Variants in STAG1 observed in about 807,000 individuals in gnomAD.
The protein encoded by STAG1 is cohesin subunit SA-1.
Under a neutral mutation model 170.9 loss-of-function variants are expected in STAG1, and 26 were observed. The ratio of observed to expected loss-of-function variants is 0.15; its 90% CI spans 0.11 to 0.21. The LOEUF (loss-of-function observed/expected upper bound fraction) is 0.21. Ranked by LOEUF, STAG1 falls within the 10% of genes least tolerant of loss-of-function variation. STAG1 has a pLI of 1.00. For missense variants in STAG1, 964 were observed against 1,509.5 expected, an observed-to-expected ratio of 0.64 and a Z score of 5.99; for synonymous variants, 514 against 497.7, an observed-to-expected ratio of 1.03 and a Z score of -0.44.
intron 1 of STAG1, among the ~76,000 whole-genome samples, chr3:136,641,972 T>C (rs902784286): frequency 1.3e-5 from 2 of 152,090 alleles, no homozygotes; most frequent in African/African-American, 2.4e-5. Flanking sequence ...TACAACTCAA[T>C]AAAAGATCTA....
chr3:136,394,409 C>T (rs1446802634), intron 22 of STAG1, among the ~76,000 whole-genome samples: 1 of 152,170 alleles, frequency 6.6e-6, no homozygotes, highest in Non-Finnish European at 1.5e-5. Context: ...AAAAATTCCA[C>T]ATATGCTATA....
At chr3:136,584,235 T>TGGACTG (rs1266767595) in intron 4 of STAG1, among the ~76,000 whole-genome samples, 1 of 152,244 alleles carries the variant, frequency 6.6e-6, no homozygotes, top group Non-Finnish European at 1.5e-5. Context: ...TAAAAATATC[T>TGGACTG]GGACTGGACA....
chr3:136,536,262 A>C (rs1935616618), intron 6 of STAG1, among the ~76,000 whole-genome samples: 1 of 152,198 alleles, frequency 6.6e-6, no homozygotes, highest in South Asian at 2.1e-4. Context: ...TTAAAAAACT[A>C]CTAGTACAAT....
intron 10 of STAG1, 102 bp downstream of exon 10, chr3:136,477,187 G>A (rs1482351616): frequency 6.1e-6 from 8 of 1,307,474 alleles, no homozygotes; most frequent in African/African-American, 1.5e-5. Context: ...ATTTCCACAT[G>A]ATTACAACTC....
chr3:136,742,870 T>C (rs1369980629), intron 1 of STAG1, among the ~76,000 whole-genome samples: 2 of 152,098 alleles, frequency 1.3e-5, no homozygotes, highest in East Asian at 1.9e-4. Flanking sequence ...GAAAAATATA[T>C]AGCTTTAAAT....
At chr3:136,366,908 A>G in intron 25 of STAG1, 35 bp downstream of exon 25, 1 of 1,521,308 alleles carries the variant, frequency 6.6e-7, no homozygotes, top group South Asian at 1.3e-5. Flanking sequence ...TCTGCCAGTT[A>G]GAGGAAGGAG....
At chr3:136,412,767 C>CA (rs1482953319) in intron 21 of STAG1, among the ~76,000 whole-genome samples, 3 of 150,428 alleles carry the variant, frequency 2.0e-5, no homozygotes, top group Admixed American at 2.0e-4. Context: ...TTAAAGGAGA[C>CA]AAAAACAAAT....
intron 28 of STAG1, among the ~76,000 whole-genome samples, chr3:136,355,229 A>G (rs1936600950): frequency 6.6e-6 from 1 of 151,642 alleles, no homozygotes; most frequent in South Asian, 2.1e-4. Context: ...GCACGCGCCT[A>G]TAGTCCCAGC....
intron 1 of STAG1, among the ~76,000 whole-genome samples, chr3:136,704,051 A>ATTT (rs113353607): frequency 1.5e-5 from 2 of 129,990 alleles, no homozygotes. Context: ...GGCATAAATG[A>ATTT]TTTTTTTTTT....
intron 1 of STAG1, among the ~76,000 whole-genome samples, chr3:136,737,833 G>A (rs1016449398): frequency 6.6e-6 from 1 of 152,136 alleles, no homozygotes; most frequent in Non-Finnish European, 1.5e-5. Flanking sequence ...ACTTTGGGAG[G>A]CCGAGGCGGG....
intron 4 of STAG1, among the ~76,000 whole-genome samples, chr3:136,591,879 C>A (rs1175521706): frequency 1.3e-5 from 2 of 152,146 alleles, no homozygotes; most frequent in Non-Finnish European, 2.9e-5. Flanking sequence ...CTATCAAAGA[C>A]ATCATTCAAT....
At chr3:136,471,364 C>T (rs2089623451) in intron 12 of STAG1, among the ~76,000 whole-genome samples, 1 of 151,852 alleles carries the variant, frequency 6.6e-6, no homozygotes, top group Non-Finnish European at 1.5e-5. Context: ...GTTTTTGAGG[C>T]ACTTGACAAG....
intron 1 of STAG1, among the ~76,000 whole-genome samples, chr3:136,740,218 G>A (rs890176733): frequency 6.6e-6 from 1 of 152,050 alleles, no homozygotes; most frequent in African/African-American, 2.4e-5. Context: ...ACTCCAGCCC[G>A]GGCAACAAAG....
intron 1 of STAG1, among the ~76,000 whole-genome samples, chr3:136,691,485 T>C (rs1942721815): frequency 6.6e-6 from 1 of 151,948 alleles, no homozygotes; most frequent in Non-Finnish European, 1.5e-5. Flanking sequence ...TCCCAGCTAC[T>C]GGGGAGCCTG....
chr3:136,629,502 T>TAC (rs1482405711), intron 2 of STAG1, among the ~76,000 whole-genome samples: 1 of 151,976 alleles, frequency 6.6e-6, no homozygotes, highest in East Asian at 1.9e-4. Flanking sequence ...TTCATATATT[T>TAC]ATATATATGA....
At chr3:136,429,976 G>A (rs1374067299) in intron 16 of STAG1, 1 of 152,164 alleles carries the variant, frequency 6.6e-6, no homozygotes, top group Non-Finnish European at 1.5e-5. Context: ...CATTGTTTGT[G>A]TTAACAGCTT....
chr3:136,471,196 C>T (rs1307499196), intron 12 of STAG1, among the ~76,000 whole-genome samples: 1 of 151,668 alleles, frequency 6.6e-6, no homozygotes, highest in East Asian at 1.9e-4. Context: ...TGTTAACACA[C>T]TCCAGCATGA....
At chr3:136,350,376 C>G (rs1936391273) in intron 28 of STAG1, among the ~76,000 whole-genome samples, 4 of 152,164 alleles carry the variant, frequency 2.6e-5, no homozygotes, top group Admixed American at 1.3e-4. Context: ...CACCTCCCAG[C>G]CCTGTGTTGT....
At chr3:136,532,741 T>A (rs1206380506) in intron 6 of STAG1, among the ~76,000 whole-genome samples, 1 of 152,080 alleles carries the variant, frequency 6.6e-6, no homozygotes, top group Non-Finnish European at 1.5e-5. Context: ...AAATTCTCAA[T>A]AAACTAGGCA....
Sources: gnomAD v4.1 joint callset for allele counts (sites outside exome capture counted in the v4.1 genomes callset) on GRCh38, gnomAD v4.1.1 for gene constraint, MANE v1.5 for transcripts, NCBI Gene and HGNC (gene_info 2026-07-23, HGNC 2026-07-21) for gene names.